OLFM2: variants seen among roughly 807,000 people sequenced by gnomAD.
OLFM2 encodes the protein olfactomedin 2.
Under a neutral mutation model 43.9 loss-of-function variants are expected in OLFM2, and 20 were observed. The ratio of observed to expected loss-of-function variants is 0.46; its 90% CI spans 0.32 to 0.66. The LOEUF is 0.66. Ranked by LOEUF, OLFM2 falls within the 30% of genes least tolerant of loss-of-function variation. OLFM2 has a pLI of 0.04. For synonymous variants in OLFM2, 268 were observed against 278.6 expected (o/e 0.96, Z 0.38); for missense variants, 416 against 643.6 (o/e 0.65, Z 3.83).
intron 1 of OLFM2, among the ~76,000 whole-genome samples, chr19:9,890,638 G>A (rs1490335405): frequency 6.6e-6 from 1 of 152,344 alleles, no homozygotes; most frequent in Admixed American, 6.5e-5. Flanking sequence ...AAACGGCAGT[G>A]ACTTCCAGGT....
chr19:9,871,347 C>T (rs912075195), intron 1 of OLFM2, among the ~76,000 whole-genome samples: 16 of 151,396 alleles, frequency 1.1e-4, no homozygotes, highest in Non-Finnish European at 1.3e-4. Context: ...CCAAGGCAGG[C>T]GGATCACAAG....
chr19:9,894,378 A>G (rs12610198), intron 1 of OLFM2, among the ~76,000 whole-genome samples: 28,182 of 78,082 alleles, frequency 0.36, 3,437 homozygotes, highest in African/African-American at 0.4. Context: ...CTCTCTCTCA[A>G]TAATAATAAT....
intron 1 of OLFM2, among the ~76,000 whole-genome samples, chr19:9,916,925 C>A (rs558282174): frequency 3.9e-5 from 6 of 152,128 alleles, no homozygotes; most frequent in Non-Finnish European, 8.8e-5. Flanking sequence ...TTCAGAGACA[C>A]GGTATCACTT....
chr19:9,878,891 G>A (rs2145452188), intron 1 of OLFM2, among the ~76,000 whole-genome samples: 1 of 152,224 alleles, frequency 6.6e-6, no homozygotes, highest in East Asian at 1.9e-4. Context: ...CGGTAGCCCA[G>A]GCTGGAGCAC....
At chr19:9,876,178 G>A (rs984945237) in intron 1 of OLFM2, among the ~76,000 whole-genome samples, 3 of 152,178 alleles carry the variant, frequency 2.0e-5, no homozygotes, top group Non-Finnish European at 4.4e-5. Context: ...TTTCTGGCCT[G>A]GATATAAATT....
intron 1 of OLFM2, chr19:9,913,614 A>G: frequency 7.7e-7 from 1 of 1,297,434 alleles, no homozygotes; most frequent in South Asian, 1.8e-5. Context: ...AGCGGCACCG[A>G]CATCGCGCCT....
chr19:9,906,330 C>T (rs1380523618), intron 1 of OLFM2, among the ~76,000 whole-genome samples: 3 of 152,098 alleles, frequency 2.0e-5, no homozygotes, highest in African/African-American at 7.2e-5. Flanking sequence ...GGAAGTGGCT[C>T]GCTTAATTAA....
At chr19:9,897,232 G>T (rs1308800709) in intron 1 of OLFM2, among the ~76,000 whole-genome samples, 2 of 151,892 alleles carry the variant, frequency 1.3e-5, no homozygotes, top group African/African-American at 4.8e-5. Context: ...GGGAGGCTGA[G>T]GCAGGAGAAT....
At chr19:9,865,833 A>G (rs903540953) in intron 1 of OLFM2, among the ~76,000 whole-genome samples, 1 of 149,406 alleles carries the variant, frequency 6.7e-6, no homozygotes. Context: ...AAAAAAAAAA[A>G]AACAAAGAAA....
chr19:9,871,831 T>C (rs1599471876), intron 1 of OLFM2, among the ~76,000 whole-genome samples: 1 of 152,326 alleles, frequency 6.6e-6, no homozygotes, highest in East Asian at 1.9e-4. Flanking sequence ...AATTCATCCG[T>C]GATCCTCAGA....
At chr19:9,858,251 C>T (rs1004841079) in intron 2 of OLFM2, 1 of 327,592 alleles carries the variant, frequency 3.1e-6, no homozygotes, top group African/African-American at 2.4e-5. Context: ...CAACCCACTT[C>T]CTCTCTCTTT....
intron 1 of OLFM2, among the ~76,000 whole-genome samples, chr19:9,870,659 C>T (rs1329819217): frequency 2.0e-5 from 3 of 152,110 alleles, no homozygotes; most frequent in Non-Finnish European, 4.4e-5. Flanking sequence ...TGCCAATCCC[C>T]GCACTCTCCC....
intron 1 of OLFM2, chr19:9,913,806 G>T: frequency 2.3e-6 from 1 of 430,190 alleles, no homozygotes; most frequent in Non-Finnish European, 3.1e-6. Context: ...GCGGCTCGGC[G>T]CGCCTGGCGG....
At chr19:9,884,112 TAC>T (rs2046564851) in intron 1 of OLFM2, among the ~76,000 whole-genome samples, 1 of 150,880 alleles carries the variant, frequency 6.6e-6, no homozygotes, top group African/African-American at 2.4e-5. Flanking sequence ...CTAACAAAAA[TAC>T]ATAGATTAGC....
At chr19:9,901,818 C>G (rs1568380953) in intron 1 of OLFM2, among the ~76,000 whole-genome samples, 1 of 152,146 alleles carries the variant, frequency 6.6e-6, no homozygotes, top group Non-Finnish European at 1.5e-5. Flanking sequence ...CTGGACATGC[C>G]TGTAACTAGC....
chr19:9,928,025 C>T (rs1231325805), intron 1 of OLFM2, among the ~76,000 whole-genome samples: 2 of 151,836 alleles, frequency 1.3e-5, no homozygotes, highest in African/African-American at 4.8e-5. Context: ...AGTGAGACCC[C>T]CATCTCTACC....
chr19:9,930,385 G>A (rs2086475386), intron 1 of OLFM2, among the ~76,000 whole-genome samples: 2 of 151,732 alleles, frequency 1.3e-5, no homozygotes, highest in South Asian at 4.2e-4. Context: ...TTTTTGGGGG[G>A]CATACCCTTA....
At chr19:9,866,757 A>G (rs2046405013) in intron 1 of OLFM2, among the ~76,000 whole-genome samples, 1 of 152,066 alleles carries the variant, frequency 6.6e-6, no homozygotes, top group African/African-American at 2.4e-5. Context: ...GGCCTCCCAA[A>G]GTGCTGGAAT....
chr19:9,907,581 C>T (rs561553017), intron 1 of OLFM2, among the ~76,000 whole-genome samples: 111 of 152,284 alleles, frequency 7.3e-4, no homozygotes, highest in African/African-American at 2.6e-3. Flanking sequence ...GAAGCCTCTG[C>T]CGTCCAAGAA....
Sources: gnomAD v4.1 joint callset for allele counts (sites outside exome capture counted in the v4.1 genomes callset) on GRCh38, gnomAD v4.1.1 for gene constraint, MANE v1.5 for transcripts, NCBI Gene and HGNC (gene_info 2026-07-23, HGNC 2026-07-21) for gene names.